MMAA: variants seen among roughly 807,000 people sequenced by gnomAD.
MMAA encodes the protein methylmalonic aciduria type A protein, mitochondrial.
In MMAA, 41 loss-of-function variants were observed where a neutral mutation model predicts 45.0. The observed-to-expected ratio is 0.91, with a 90% confidence interval of 0.71 to 1.18. MMAA has a LOEUF of 1.18. MMAA is among the 50% of genes most tolerant of loss of function. The probability of loss-of-function intolerance (pLI) is 0.00; values close to 1 mark genes in which losing one functional copy is unlikely to be tolerated. For missense variants in MMAA, 460 were observed against 495.7 expected, an observed-to-expected ratio of 0.93 and a Z score of 0.68; for synonymous variants, 154 against 178.2, an observed-to-expected ratio of 0.86 and a Z score of 1.08.
At chr4:145,624,076 C>T in intron 1 of MMAA, 1 of 854,094 alleles carries the variant, frequency 1.2e-6, no homozygotes, top group Non-Finnish European at 2.1e-6. Flanking sequence ...GACCCAGAAA[C>T]ACAATGATTT....
intron 1 of MMAA, chr4:145,625,723 G>C: frequency 6.8e-7 from 1 of 1,466,322 alleles, no homozygotes. Context: ...CACTCCAGTT[G>C]ATGAATAAGA....
intron 3 of MMAA, among the ~76,000 whole-genome samples, chr4:145,643,623 A>G (rs1237818005): frequency 6.6e-6 from 1 of 152,172 alleles, no homozygotes; most frequent in Non-Finnish European, 1.5e-5. Context: ...CTATAATAAA[A>G]AAAGTTAACT....
At chr4:145,644,528 C>G (rs114826526) in intron 3 of MMAA, among the ~76,000 whole-genome samples, 2 of 152,168 alleles carry the variant, frequency 1.3e-5, no homozygotes, top group Non-Finnish European at 2.9e-5. Flanking sequence ...CAGCAGTACA[C>G]CTACAAATGT....
chr4:145,639,325 G>T lies in MMAA; in HGVS notation c.186G>T (p.Lys62Asn). Residue 62 changes from lysine to asparagine, a missense_variant, in exon 2 of 7, where the codon AAG (lysine) becomes AAT (asparagine). Coordinates refer to ENST00000649156, the MANE Select transcript of MMAA (RefSeq NM_172250.3). ...GGATGCTGCTGTCAGATGGCTTAAA[G>T]AGAAAATTATGTGTACAAACAACCT... ...TKWMLLSDGL[K>N]RKLCVQTTLK... The T allele has an allele frequency of 6.2e-7, 1 of 1,614,172 alleles. No homozygotes were observed. Among genetic ancestry groups the T allele is most frequent in the East Asian group, 2.2e-5 (1 of 44,882 alleles).
Position 145,646,144 on chromosome 4 carries a change from A to G in MMAA, c.721A>G (p.Ile241Val), listed in dbSNP as rs756221585. The G allele has an allele frequency of 3.1e-6, 5 of 1,613,972 alleles. No homozygotes were observed. The Admixed American group carries it at 6.7e-5, about 22-fold the overall frequency. Residue 241 changes from isoleucine to valine, a missense_variant, in exon 4 of 7, where the codon ATT becomes GTT. Coordinates refer to ENST00000649156, the MANE Select transcript of MMAA (RefSeq NM_172250.3). ...CEGAGYDIILIETVGVGQSEF... is the reference protein window; with the variant it reads ...CEGAGYDIILVETVGVGQSEF... The stretch of plus-strand genomic sequence containing the variant: ...AGGAGCGGGATATGACATAATTCTT[A>G]TTGAAACCGTTGGTGAGTGTGATAT...
chr4:145,625,487 T>TA, intron 1 of MMAA: 1 of 722,818 alleles, frequency 1.4e-6, no homozygotes, highest in East Asian at 2.8e-5. Context: ...CATAGGGATA[T>TA]AGCCTCTTCT....
rs1272944503 is a variant in MMAA at position 145,656,361 on chromosome 4, AC to A, written c.*930del. On this transcript the variant is annotated 3_prime_UTR_variant, in exon 7 of 7. Coordinates refer to ENST00000649156, the MANE Select transcript of MMAA (RefSeq NM_172250.3). ...TGGACTATGTGGGTTTAAACTTTAA[AC>A]CCAGATCAATTGTATATTAGCTACA... 1 of 152,258 alleles carries A rather than the reference AC, an allele frequency of 6.6e-6. No individual in the cohort carries two copies. The highest frequency in any genetic ancestry group is 2.4e-5 in the African/African-American group (1 of 41,552). The allele number at this position is 152,258 out of a possible 1,614,324, so 9.4% of individuals were successfully genotyped here.
intron 1 of MMAA, chr4:145,624,179 G>T: frequency 1.1e-6 from 1 of 900,660 alleles, no homozygotes; most frequent in Non-Finnish European, 1.9e-6. Flanking sequence ...AGAGGAGTTT[G>T]ATATAACCAC....
chr4:145,632,530 A>G (rs1325095147), intron 1 of MMAA, among the ~76,000 whole-genome samples: 2 of 152,142 alleles, frequency 1.3e-5, no homozygotes, highest in East Asian at 1.9e-4. Context: ...GTACTTGACT[A>G]TTGATATCTT....
intron 5 of MMAA, among the ~76,000 whole-genome samples, chr4:145,652,869 T>G (rs1363296344): frequency 1.3e-5 from 2 of 151,538 alleles, no homozygotes; most frequent in African/African-American, 4.9e-5. Context: ...CCAGACAAAT[T>G]TTTTCCTTTT....
intron 1 of MMAA, among the ~76,000 whole-genome samples, chr4:145,636,519 C>T (rs1727615292): frequency 6.6e-6 from 1 of 152,240 alleles, no homozygotes; most frequent in African/African-American, 2.4e-5. Context: ...CCAGCCTCAT[C>T]TCCTATCAGT....
At chr4:145,645,076 A>T (rs540984912) in intron 3 of MMAA, among the ~76,000 whole-genome samples, 1 of 152,316 alleles carries the variant, frequency 6.6e-6, no homozygotes, top group Non-Finnish European at 1.5e-5. Flanking sequence ...CAAATTTTCT[A>T]AGTAGTAGGC....
At chr4:145,650,133 TA>T (rs1728050611) in intron 4 of MMAA, among the ~76,000 whole-genome samples, 1 of 152,186 alleles carries the variant, frequency 6.6e-6, no homozygotes, top group African/African-American at 2.4e-5. Context: ...TTTGTCTTGT[TA>T]TTTTGTTGTT....
At chr4:145,622,262 G>A (rs1483116179) in intron 1 of MMAA, among the ~76,000 whole-genome samples, 1 of 152,140 alleles carries the variant, frequency 6.6e-6, no homozygotes, top group Non-Finnish European at 1.5e-5. Context: ...CCCTACACAA[G>A]CTCTCTCTTT....
chr4:145,634,946 G>A (rs1343209178), intron 1 of MMAA, among the ~76,000 whole-genome samples: 1 of 151,792 alleles, frequency 6.6e-6, no homozygotes, highest in Non-Finnish European at 1.5e-5. Context: ...AGTCCTCCCC[G>A]CTCTTCCCTT....
chr4:145,625,105 T>C (rs914355599), intron 1 of MMAA: 11 of 1,042,414 alleles, frequency 1.1e-5, no homozygotes, highest in Non-Finnish European at 1.5e-5. Context: ...GGAGAGTCAC[T>C]AGCCAATCTG....
intron 1 of MMAA, among the ~76,000 whole-genome samples, chr4:145,632,939 T>C: frequency 6.6e-6 from 1 of 151,698 alleles, no homozygotes. Flanking sequence ...TTTGTAGAAA[T>C]GGGGTTTTGC....
chr4:145,651,214 GT>G (rs1728079563), intron 5 of MMAA, 67 bp downstream of exon 5: 1 of 1,406,022 alleles, frequency 7.1e-7, no homozygotes, highest in Non-Finnish European at 1.0e-6. Flanking sequence ...AATTTCCAAT[GT>G]TGTGTTTTTG....
At chr4:145,625,607 G>T in intron 1 of MMAA, 1 of 819,936 alleles carries the variant, frequency 1.2e-6, no homozygotes, top group Non-Finnish European at 2.2e-6. Context: ...GAGCAGTTGT[G>T]TCAGCTTCAA....
Sources: gnomAD v4.1 joint callset for allele counts (sites outside exome capture counted in the v4.1 genomes callset) on GRCh38, gnomAD v4.1.1 for gene constraint, MANE v1.5 for transcripts, NCBI Gene and HGNC (gene_info 2026-07-23, HGNC 2026-07-21) for gene names.